MCTP1: variants seen among roughly 807,000 people sequenced by gnomAD.
The protein encoded by MCTP1 is multiple C2 and transmembrane domain containing 1.
MCTP1 carries 69 observed loss-of-function variants against 120.6 expected under a neutral mutation model. That is an observed-to-expected ratio of 0.57 (90% confidence interval 0.47 to 0.70). The LOEUF (loss-of-function observed/expected upper bound fraction) is 0.70. MCTP1 is among the 30% of genes least tolerant of loss of function. The pLI is 0.00. For missense variants in MCTP1, 1,203 were observed against 1,248.8 expected (o/e 0.96, Z 0.55); for synonymous variants, 529 against 493.1 (o/e 1.07, Z -0.96).
chr5:95,167,033 A>T lies in MCTP1; in HGVS notation c.720+116823T>A, dbSNP rs560177752. Among the ~76,000 whole-genome samples the T allele has an allele frequency of 4.6e-5, 7 of 151,402 alleles. No homozygotes were observed. In the South Asian group the frequency reaches 1.5e-3, roughly 32 times the overall value. On this transcript the variant is annotated intron_variant, in intron 1 of 22. Transcript: ENST00000515393. ...CTGCACCCATTAACTCGTCATTTAC[A>T]TTAGGTATATCTCCTAATGCTATCC...
At chr5:95,247,249 A>G (rs1756898492) in intron 1 of MCTP1, among the ~76,000 whole-genome samples, 1 of 152,038 alleles carries the variant, frequency 6.6e-6, no homozygotes, top group Non-Finnish European at 1.5e-5. Context: ...CCCCTGTATC[A>G]TTTTTTATTG....
At chr5:94,799,587 T>C (rs1780775456) in intron 17 of MCTP1, among the ~76,000 whole-genome samples, 2 of 152,080 alleles carry the variant, frequency 1.3e-5, no homozygotes, top group South Asian at 2.1e-4. Flanking sequence ...AATAGGCAGA[T>C]GAAAATACCA....
At chr5:95,027,392 G>C (rs1347754473) in intron 1 of MCTP1, among the ~76,000 whole-genome samples, 3 of 152,224 alleles carry the variant, frequency 2.0e-5, no homozygotes, top group African/African-American at 7.2e-5. Context: ...TTATTTAGCA[G>C]AGAGCATTAG....
At position 95,006,359 on chromosome 5, in the gene MCTP1, GTA is replaced by G. The variant is rs377389719; in HGVS notation, c.838+11006_838+11007del. Among the ~76,000 whole-genome samples, 15 of 150,088 alleles carry G rather than the reference GTA, an allele frequency of 1.0e-4. No individual in the cohort carries two copies. The East Asian group carries it at 1.6e-3, about 16-fold the overall frequency. On this transcript the variant is annotated intron_variant, in intron 2 of 22. Coordinates refer to ENST00000515393, the MANE Select transcript of MCTP1 (RefSeq NM_024717.7). ...TGTGTGTATGTGTATGGGTGTATTTGTATATATATATATGTATATTAGAAGCT... is the reference window on the plus strand; with the variant it reads ...TGTGTGTATGTGTATGGGTGTATTTGTATATATATATGTATATTAGAAGCT...
At chr5:95,139,153 G>T (rs1759702948) in intron 1 of MCTP1, among the ~76,000 whole-genome samples, 1 of 152,056 alleles carries the variant, frequency 6.6e-6, no homozygotes, top group South Asian at 2.1e-4. Flanking sequence ...AAAAAAGTTA[G>T]ATCTTCATGT....
Position 95,126,853 on chromosome 5 carries a change from C to T in MCTP1, c.721-109369G>A, listed in dbSNP as rs150329271. Among the ~76,000 whole-genome samples the T allele has an allele frequency of 5.3e-3, 801 of 152,116 alleles. 10 individuals are homozygous for T. Among genetic ancestry groups the T allele is most frequent in the African/African-American group, 0.018 (751 of 41,510 alleles). On this transcript the variant is annotated intron_variant, in intron 1 of 22. Transcript: ENST00000515393. The stretch of plus-strand genomic sequence containing the variant: ...CCAACTCATTTAATTTTTGAAAATA[C>T]CTCTAGTGAGAAAAAATATGTAATA...
intron 17 of MCTP1, among the ~76,000 whole-genome samples, chr5:94,847,033 A>T (rs1792549312): frequency 6.6e-6 from 1 of 152,186 alleles, no homozygotes. Context: ...TGTGCTCCTA[A>T]GAGCATTCCA....
intron 1 of MCTP1, among the ~76,000 whole-genome samples, chr5:95,275,774 C>A (rs1234062843): frequency 6.6e-6 from 1 of 152,054 alleles, no homozygotes; most frequent in East Asian, 1.9e-4. Context: ...TAGCAAAATG[C>A]GGGTAGCAGT....
At chr5:95,236,297 T>C (rs1356375547) in intron 1 of MCTP1, among the ~76,000 whole-genome samples, 1 of 152,260 alleles carries the variant, frequency 6.6e-6, no homozygotes, top group Non-Finnish European at 1.5e-5. Flanking sequence ...AGTCAAAATC[T>C]ATTCATTCTG....
At chr5:94,844,301 CAAAAAAAAA>C (rs59169145) in intron 17 of MCTP1, among the ~76,000 whole-genome samples, 2 of 79,712 alleles carry the variant, frequency 2.5e-5, no homozygotes, top group Admixed American at 3.3e-4. Flanking sequence ...GACTCTGTCT[CAAAAAAAAA>C]AAAAAAAAAA....
chr5:95,076,033 G>T (rs1455212722), intron 1 of MCTP1, among the ~76,000 whole-genome samples: 1 of 152,118 alleles, frequency 6.6e-6, no homozygotes, highest in Non-Finnish European at 1.5e-5. Flanking sequence ...ACCCCCAGTG[G>T]ACGCCTGAAA....
At chr5:94,930,467 T>G (rs1356283834) in intron 6 of MCTP1, among the ~76,000 whole-genome samples, 1 of 151,714 alleles carries the variant, frequency 6.6e-6, no homozygotes, top group African/African-American at 2.4e-5. Flanking sequence ...AGAGATGGGG[T>G]TTCACCATGT....
intron 2 of MCTP1, among the ~76,000 whole-genome samples, chr5:94,964,493 C>G (rs1825124394): frequency 6.6e-6 from 1 of 152,130 alleles, no homozygotes; most frequent in Admixed American, 6.6e-5. Context: ...CCTCTCCCTT[C>G]AGATCTATTA....
chr5:94,996,314 C>A (rs545089689), intron 2 of MCTP1, among the ~76,000 whole-genome samples: 3 of 152,102 alleles, frequency 2.0e-5, no homozygotes, highest in Non-Finnish European at 4.4e-5. Context: ...GTAAGTAAAT[C>A]GAATTAGAAT....
chr5:94,954,037 T>TATATATATGCATATATATACAA (rs1222848251), intron 2 of MCTP1, among the ~76,000 whole-genome samples: 1 of 74,670 alleles, frequency 1.3e-5, no homozygotes, highest in Non-Finnish European at 2.6e-5. Flanking sequence ...TATATACAAA[T>TATATATATGCATATATATACAA]ATATATATGC....
chr5:94,708,887 G>A (rs561750104), intron 21 of MCTP1: 1 of 263,142 alleles, frequency 3.8e-6, no homozygotes, highest in African/African-American at 2.2e-5. Context: ...TTCCCCCTGT[G>A]TTACAGTCTA....
At chr5:94,943,078 T>C (rs181870834) in intron 3 of MCTP1, among the ~76,000 whole-genome samples, 1 of 152,212 alleles carries the variant, frequency 6.6e-6, no homozygotes, top group East Asian at 1.9e-4. Flanking sequence ...CACTCTATGG[T>C]AAGTAAGACA....
chr5:94,905,516 T>A (rs977753558), intron 10 of MCTP1, among the ~76,000 whole-genome samples: 1 of 152,186 alleles, frequency 6.6e-6, no homozygotes, highest in African/African-American at 2.4e-5. Flanking sequence ...TTGACCACAA[T>A]GATAATGATA....
intron 19 of MCTP1, among the ~76,000 whole-genome samples, chr5:94,770,743 T>C (rs1468469154): frequency 6.6e-6 from 1 of 152,172 alleles, no homozygotes; most frequent in East Asian, 1.9e-4. Context: ...CCAATGACTT[T>C]AACATAGAGG....
Sources: allele counts gnomAD v4.1 joint callset (sites outside exome capture counted in the v4.1 genomes callset), GRCh38; gene constraint gnomAD v4.1.1; transcripts MANE v1.5; gene names NCBI Gene and HGNC (gene_info 2026-07-23, HGNC 2026-07-21).